DSE: variants seen among roughly 807,000 people sequenced by gnomAD.
DSE encodes the protein dermatan-sulfate epimerase.
Under a neutral mutation model 84.4 loss-of-function variants are expected in DSE, and 36 were observed. That is an observed-to-expected ratio of 0.43 (90% CI 0.33 to 0.56). DSE has a LOEUF of 0.56. DSE is among the 20% of genes least tolerant of loss of function. The pLI is 0.06. For synonymous variants in DSE, 410 were observed against 430.1 expected (o/e 0.95, Z 0.58); for missense variants, 862 against 1,169.6 (o/e 0.74, Z 3.84).
intron 5 of DSE, among the ~76,000 whole-genome samples, chr6:116,434,210 G>A (rs1432918873): frequency 6.6e-6 from 1 of 152,092 alleles, no homozygotes; most frequent in African/African-American, 2.4e-5. Flanking sequence ...TTAAAGTATT[G>A]CCAAATATGT....
At chr6:116,330,489 A>C (rs1776872796) in intron 2 of DSE, among the ~76,000 whole-genome samples, 1 of 152,136 alleles carries the variant, frequency 6.6e-6, no homozygotes, top group African/African-American at 2.4e-5. Flanking sequence ...TAATAAGGGA[A>C]CTCTTAATAA....
intron 2 of DSE, among the ~76,000 whole-genome samples, chr6:116,321,269 G>GTGATC (rs1776290055): frequency 1.8e-3 from 1 of 550 alleles, no homozygotes; most frequent in Non-Finnish European, 5.6e-3. Context: ...GAACACCTGT[G>GTGATC]CTCAAGTGAT....
intron 1 of DSE, chr6:116,258,368 T>C: frequency 4.8e-6 from 3 of 620,722 alleles, no homozygotes; most frequent in Non-Finnish European, 8.7e-6. Context: ...TTCTTGAAAT[T>C]CATATTGTAT....
At chr6:116,394,234 A>G (rs1024604993) in intron 1 of DSE, among the ~76,000 whole-genome samples, 4 of 152,240 alleles carry the variant, frequency 2.6e-5, no homozygotes, top group Non-Finnish European at 4.4e-5. Flanking sequence ...CTGCTGAATC[A>G]TAATAGCTGC....
chr6:116,391,150 A>G (rs1050112457), intron 1 of DSE, among the ~76,000 whole-genome samples: 2 of 152,248 alleles, frequency 1.3e-5, no homozygotes, highest in African/African-American at 4.8e-5. Context: ...TAACAAAGAA[A>G]GTGGGCTTCA....
chr6:116,433,497 A>G lies in DSE; in HGVS notation c.1065A>G (p.Pro355=), dbSNP rs1357509482. 1.3e-6 allele frequency: 2 copies of G among 1,568,640 alleles called. No individual in the cohort carries two copies. The highest frequency in any genetic ancestry group is 1.7e-4 in the Middle Eastern group (1 of 6,012). The part of the protein sequence containing the change: ...QIRRNRVVEG[P]GTPSKGQRWC... ...GAAGGAACCGTGTGGTGGAAGGTCCAGGAACACCATCCAAAGGGCAGCGCT... is the reference window on the plus strand; with the variant it reads ...GAAGGAACCGTGTGGTGGAAGGTCCGGGAACACCATCCAAAGGGCAGCGCT... Residue 355 remains proline, a synonymous_variant, in exon 5 of 6, where the codon CCA becomes CCG. Coordinates refer to ENST00000644252, the MANE Select transcript of DSE (RefSeq NM_013352.4).
intron 1 of DSE, among the ~76,000 whole-genome samples, chr6:116,256,943 G>T (rs571303081): frequency 6.6e-6 from 1 of 152,072 alleles, no homozygotes; most frequent in African/African-American, 2.4e-5. Context: ...GGAAAATATC[G>T]ATAGAAAATG....
Position 116,425,624 on chromosome 6 carries a change from AT to A in DSE, c.417-946del, listed in dbSNP as rs757527963. On this transcript the variant is annotated intron_variant, in intron 2 of 5. Transcript: ENST00000644252. Reference sequence around the variant, plus strand: ...ATTTTATTTTATTTATTTTTATTTTATTTTATTTTTTTTTTTGAGACGGAGT... The same window carrying A: ...ATTTTATTTTATTTATTTTTATTTTATTTATTTTTTTTTTTGAGACGGAGT... Among the ~76,000 whole-genome samples the A allele has an allele frequency of 1.4e-3, 119 of 83,544 alleles. 4 individuals carry two copies. Among genetic ancestry groups the A allele is most frequent in the African/African-American group, 1.9e-3 (39 of 20,012 alleles). 54.8% of individuals were successfully genotyped at this position (83,544 alleles called of 152,430 possible).
chr6:116,325,478 CT>C (rs1776562225), intron 2 of DSE, among the ~76,000 whole-genome samples: 1 of 152,166 alleles, frequency 6.6e-6, no homozygotes, highest in South Asian at 2.1e-4. Context: ...TTGTTTTTAT[CT>C]TCTATCTTGC....
At chr6:116,417,459 A>C (rs961803552) in intron 2 of DSE, among the ~76,000 whole-genome samples, 1 of 152,166 alleles carries the variant, frequency 6.6e-6, no homozygotes, top group Non-Finnish European at 1.5e-5. Context: ...TTTGAGTAAA[A>C]TGTGTTTCTT....
intron 2 of DSE, chr6:116,277,408 G>A (rs992131426): frequency 6.6e-6 from 1 of 152,652 alleles, no homozygotes; most frequent in Non-Finnish European, 1.5e-5. Flanking sequence ...CCTGGCCCAT[G>A]CCTCTAGCCT....
rs746462142 is a variant in DSE, at chr6:116,279,694, A to G, written c.-54+20727A>G. ...CGAGCCTCCCTCACCCGGCTCCGCCATCACCTGTGTCGCCTCGCTTTGGTC... is the reference window on the plus strand; with the variant it reads ...CGAGCCTCCCTCACCCGGCTCCGCCGTCACCTGTGTCGCCTCGCTTTGGTC... On this transcript the variant is annotated intron_variant, in intron 2 of 3. Coordinates refer to the DSE transcript ENST00000430252. The G allele has an allele frequency of 4.3e-6, 7 of 1,610,470 alleles. No individual in the cohort carries two copies. The African/African-American group carries it at 8.0e-5, about 18-fold the overall frequency.
At chr6:116,348,616 C>A (rs1457925215) in intron 2 of DSE, among the ~76,000 whole-genome samples, 2 of 152,100 alleles carry the variant, frequency 1.3e-5, no homozygotes, top group Non-Finnish European at 2.9e-5. Context: ...CCAGCCATCC[C>A]ATTACTGGGT....
At chr6:116,434,207 A>AT (rs1279551621) in intron 5 of DSE, among the ~76,000 whole-genome samples, 3 of 152,204 alleles carry the variant, frequency 2.0e-5, no homozygotes, top group African/African-American at 7.2e-5. Flanking sequence ...TTTTTAAAGT[A>AT]TTGCCAAATA....
chr6:116,298,186 G>A (rs1052763512), intron 2 of DSE, among the ~76,000 whole-genome samples: 1 of 152,176 alleles, frequency 6.6e-6, no homozygotes, highest in Admixed American at 6.5e-5. Context: ...ATTAAATGAG[G>A]CTATCCACAT....
At chr6:116,338,403 T>A (rs1051300442) in intron 2 of DSE, among the ~76,000 whole-genome samples, 5 of 151,828 alleles carry the variant, frequency 3.3e-5, no homozygotes, top group Admixed American at 3.3e-4. Context: ...TTTGTATTTT[T>A]AGTAGAGACG....
chr6:116,422,890 T>G (rs1423574455), intron 2 of DSE, among the ~76,000 whole-genome samples: 4 of 152,212 alleles, frequency 2.6e-5, no homozygotes, highest in Non-Finnish European at 5.9e-5. Context: ...AATGTAATAG[T>G]CTCGGAAGCC....
At chr6:116,343,980 C>G (rs193292876) in intron 2 of DSE, among the ~76,000 whole-genome samples, 1 of 152,116 alleles carries the variant, frequency 6.6e-6, no homozygotes, top group Non-Finnish European at 1.5e-5. Flanking sequence ...ATGAGAACTA[C>G]GTGATGCATG....
intron 2 of DSE, among the ~76,000 whole-genome samples, chr6:116,345,202 A>G (rs1466845869): frequency 6.6e-6 from 1 of 152,240 alleles, no homozygotes; most frequent in Non-Finnish European, 1.5e-5. Flanking sequence ...AACATTCGAC[A>G]GATCAATGAG....
Sources: gnomAD v4.1 joint callset for allele counts (sites outside exome capture counted in the v4.1 genomes callset) on GRCh38, gnomAD v4.1.1 for gene constraint, MANE v1.5 for transcripts, NCBI Gene and HGNC (gene_info 2026-07-23, HGNC 2026-07-21) for gene names.